The following DNAH8 variants were observed in gnomAD, a reference collection of about 807,000 sequenced individuals.
DNAH8 encodes the protein dynein axonemal heavy chain 8, also known as axonemal beta dynein heavy chain 8.
DNAH8 carries 382 observed loss-of-function variants against 562.1 expected under a neutral mutation model. That is an observed-to-expected ratio of 0.68 (90% confidence interval 0.63 to 0.74). DNAH8 has a LOEUF of 0.74. Ranked by LOEUF, DNAH8 falls within the 30% of genes least tolerant of loss-of-function variation. The pLI is 0.00. For synonymous variants in DNAH8, 1,881 were observed against 1,919.4 expected, an observed-to-expected ratio of 0.98 and a Z score of 0.52; for missense variants, 5,203 against 5,620.4, an observed-to-expected ratio of 0.93 and a Z score of 2.37.
intron 79 of DNAH8, among the ~76,000 whole-genome samples, chr6:38,943,628 TA>T (rs1189453295): frequency 6.6e-6 from 1 of 152,240 alleles, no homozygotes; most frequent in Non-Finnish European, 1.5e-5. Context: ...GCAATGGACT[TA>T]TCTTTCTTCC....
chr6:38,766,214 T>A (rs1422471982), intron 11 of DNAH8, among the ~76,000 whole-genome samples: 2 of 152,060 alleles, frequency 1.3e-5, no homozygotes, highest in Non-Finnish European at 2.9e-5. Flanking sequence ...AAGAAGGAAA[T>A]ATTGTCATTT....
Position 38,761,706 on chromosome 6 carries a change from C to G in DNAH8, c.1520C>G (p.Thr507Arg). The G allele has an allele frequency of 2.0e-6, 3 of 1,500,522 alleles. No homozygotes were observed. The highest frequency in any genetic ancestry group is 2.7e-6 in the Non-Finnish European group (3 of 1,119,916). 93.0% of individuals were successfully genotyped at this position (1,500,522 alleles called of 1,614,324 possible). A position where few individuals can be genotyped will look rare whatever the true frequency, so the allele number is the denominator to read the frequency against. Residue 507 changes from threonine to arginine, a missense_variant, in exon 11 of 93, where the codon ACA becomes AGA. This residue lies in a region of DNAH8 where 2,176 missense variants were observed against 2,365.1 expected (regional missense o/e 0.92). Coordinates refer to ENST00000327475, the MANE Select transcript of DNAH8 (RefSeq NM_001206927.2). Reference protein sequence around the residue: ...ERMTSLFIKVTNQMVTACKAY... With the variant: ...ERMTSLFIKVRNQMVTACKAY... ...TTGTACCTATATTTATTTCAGGTAA[C>G]AAATCAAATGGTAACAGCATGTAAA...
chr6:38,824,810 A>G (rs1186120250), intron 28 of DNAH8, among the ~76,000 whole-genome samples: 4 of 152,104 alleles, frequency 2.6e-5, no homozygotes, highest in Admixed American at 2.0e-4. Context: ...TATTATTATT[A>G]TATCTACCAA....
chr6:38,828,337 G>A (rs1583118925), intron 30 of DNAH8, 49 bp downstream of exon 30: 4 of 1,140,042 alleles, frequency 3.5e-6, no homozygotes, highest in African/African-American at 1.6e-5. Context: ...ACTATCTCCA[G>A]AAAAAAAAGG....
rs1297563537 is a variant in DNAH8, at chr6:38,973,806, T to G, written c.12671T>G (p.Leu4224Trp). ...CCCCATGATCGATTTCCAATTACAT[T>G]GCTTCAGGTTTGTTACTAAACGTCT... The part of the protein sequence containing the change: ...TEPHDRFPIT[L>W]LQTSLKFTNE... Residue 4224 changes from leucine (L) to tryptophan (W), a missense_variant, in exon 84 of 93, where the codon TTG becomes TGG. Leu to Trp is a moderately conservative substitution (Grantham distance 61). Transcript: ENST00000327475. 2.5e-6 allele frequency: 4 copies of G among 1,596,774 alleles called. No individual in the cohort carries two copies. Among genetic ancestry groups the G allele is most frequent in the Non-Finnish European group, 3.4e-6 (4 of 1,175,030 alleles).
chr6:38,851,409 A>G (rs550903324), intron 38 of DNAH8, among the ~76,000 whole-genome samples, 163 bp from the exon 39 acceptor site: 1 of 152,308 alleles, frequency 6.6e-6, no homozygotes, highest in South Asian at 2.1e-4. Flanking sequence ...ATGGTGGAGC[A>G]TGGACTTTGG....
At chr6:38,788,956 C>T (rs1241859443) in intron 18 of DNAH8, among the ~76,000 whole-genome samples, 1 of 152,000 alleles carries the variant, frequency 6.6e-6, no homozygotes, top group Non-Finnish European at 1.5e-5. Context: ...ACTGGAGTAA[C>T]GTTGGTATTG....
At chr6:38,840,783 TAAAC>T (rs1390452564) in intron 33 of DNAH8, among the ~76,000 whole-genome samples, 7 of 152,184 alleles carry the variant, frequency 4.6e-5, no homozygotes, top group East Asian at 1.9e-4. Flanking sequence ...GCAACTGTAT[TAAAC>T]AAGCAAAAAT....
At position 38,755,890 on chromosome 6, in the gene DNAH8, T is replaced by A; in HGVS notation, c.1408-82T>A. 5 of 832,138 alleles carry A rather than the reference T, an allele frequency of 6.0e-6. No homozygotes were observed. The South Asian group carries it at 7.5e-5, about 12-fold the overall frequency. The allele number at this position is 832,138 out of a possible 1,614,324, so 51.5% of individuals were successfully genotyped here. A position where few individuals can be genotyped will look rare whatever the true frequency, so the allele number is the denominator to read the frequency against. On this transcript the variant is annotated intron_variant, in intron 9 of 92. Transcript: ENST00000327475. ...AAATGCTATACTATTTTGTGTACCT[T>A]TAGAGTTTTGAGTATTATAGAATAT...
intron 22 of DNAH8, among the ~76,000 whole-genome samples, chr6:38,803,698 G>A (rs945343849): frequency 2.7e-5 from 4 of 149,352 alleles, no homozygotes; most frequent in Non-Finnish European, 5.9e-5. Context: ...ACCAGGAAAA[G>A]GTAAATTCTA....
chr6:38,911,983 A>G (rs552128198), intron 66 of DNAH8, among the ~76,000 whole-genome samples: 47 of 152,342 alleles, frequency 3.1e-4, no homozygotes, highest in Non-Finnish European at 6.3e-4. Context: ...CTAATAAAGA[A>G]AAAGGCAAAA....
At chr6:38,800,034 T>C (rs552497089) in intron 21 of DNAH8, among the ~76,000 whole-genome samples, 1 of 152,322 alleles carries the variant, frequency 6.6e-6, no homozygotes, top group South Asian at 2.1e-4. Flanking sequence ...CTGCAGCCTC[T>C]AATTCCAAGG....
chr6:38,805,722 G>C (rs1771214107), intron 23 of DNAH8, 126 bp downstream of exon 23: 1 of 563,344 alleles, frequency 1.8e-6, no homozygotes, highest in East Asian at 3.2e-5. Flanking sequence ...AATACAGAAA[G>C]TATAATTTTC....
At chr6:38,739,882 C>T (rs772761357) in intron 7 of DNAH8, among the ~76,000 whole-genome samples, 31 of 151,904 alleles carry the variant, frequency 2.0e-4, no homozygotes, top group Non-Finnish European at 4.0e-4. Context: ...TGGAATTGTG[C>T]GTGTGTGTAT....
Position 38,750,599 on chromosome 6 carries a change from CT to C in DNAH8, c.1407+14del. 1 of 1,519,734 alleles carries C rather than the reference CT, an allele frequency of 6.6e-7. No individual in the cohort carries two copies. Among genetic ancestry groups the C allele is most frequent in the Non-Finnish European group, 9.1e-7 (1 of 1,101,644 alleles). 94.1% of individuals were successfully genotyped at this position (1,519,734 alleles called of 1,614,324 possible). On this transcript the variant is annotated intron_variant, in intron 9 of 92. Transcript: ENST00000327475. ...CTATAACCATGACCTAGTAAGTATG[CT>C]TTTAAAGTACAATTTTAAACTGAGG...
At position 38,929,562 on chromosome 6, in the gene DNAH8, T is replaced by C. The variant is rs1583383594; in HGVS notation, c.11170T>C (p.Ser3724Pro). The C allele has an allele frequency of 6.2e-7, 1 of 1,613,100 alleles. No homozygotes were observed. The highest frequency in any genetic ancestry group is 1.7e-4 in the Middle Eastern group (1 of 6,058). The stretch of plus-strand genomic sequence containing the variant: ...TCGCACACACTTGGAGGACAGCCTT[T>C]CCTTGGGCCGACCCCTTCTCATTGA... ...YFRTHLEDSL[S>P]LGRPLLIEDI... Residue 3724 changes from serine (S) to proline (P), a missense_variant, in exon 75 of 93, where the codon TCC becomes CCC. Coordinates refer to ENST00000327475, the MANE Select transcript of DNAH8 (RefSeq NM_001206927.2).
At chr6:38,992,223 C>T (rs1344710163) in intron 88 of DNAH8, among the ~76,000 whole-genome samples, 1 of 152,184 alleles carries the variant, frequency 6.6e-6, no homozygotes, top group East Asian at 1.9e-4. Context: ...CCACCTCGGC[C>T]TCCCAAAGTG....
chr6:38,955,567 G>T lies in DNAH8; in HGVS notation c.12451+4047G>T, dbSNP rs150740239. On this transcript the variant is annotated intron_variant, in intron 82 of 92. Transcript: ENST00000327475. ...AATAGCTTGAACCTGGGAGGTGGAG[G>T]TTGCAGTGAGCCGAGATTGTGCCAT... is the stretch of plus-strand genomic sequence containing the variant. Among the ~76,000 whole-genome samples, 405 of 152,190 alleles carry T rather than the reference G, an allele frequency of 2.7e-3. 8 individuals are homozygous for T. The East Asian group carries it at 0.048, about 18-fold the overall frequency.
At chr6:38,796,877 C>A (rs1204498735) in intron 21 of DNAH8, among the ~76,000 whole-genome samples, 1 of 152,110 alleles carries the variant, frequency 6.6e-6, no homozygotes, top group African/African-American at 2.4e-5. Flanking sequence ...TTCTTGTCTG[C>A]GGCTTGTCCT....
Sources: gnomAD v4.1 joint callset for allele counts (sites outside exome capture counted in the v4.1 genomes callset) on GRCh38, gnomAD v4.1.1 for gene constraint, gnomAD v4.1.1 regional missense constraint, MANE v1.5 for transcripts, NCBI Gene and HGNC (gene_info 2026-07-23, HGNC 2026-07-21) for gene names.